ABTB3: variants seen among roughly 807,000 people sequenced by gnomAD.
ABTB3 encodes the protein ankyrin repeat- and BTB/POZ domain-containing protein 3.
chr12:107,331,882 GCCTCCCC>G, the ABTB3 span, among the ~76,000 whole-genome samples: 1 of 152,204 alleles, frequency 6.6e-6, no homozygotes, highest in African/African-American at 2.4e-5. Context: ...GAGGGCAGGG[GCCTCCCC>G]CCCGCCCCAC....
chr12:107,564,646 A>G, the ABTB3 span, among the ~76,000 whole-genome samples: 1 of 152,308 alleles, frequency 6.6e-6, no homozygotes, highest in South Asian at 2.1e-4. Context: ...TTAACCCAAC[A>G]AACATTTATT....
chr12:107,415,868 C>T, the ABTB3 span, among the ~76,000 whole-genome samples: 1 of 152,210 alleles, frequency 6.6e-6, no homozygotes, highest in Admixed American at 6.5e-5. Flanking sequence ...TGCTTCATGC[C>T]ATGCTGCCTC....
the ABTB3 span, chr12:107,650,521 G>A: frequency 1.3e-5 from 2 of 152,164 alleles, no homozygotes; most frequent in Non-Finnish European, 2.9e-5. Context: ...AAAGTGCGCT[G>A]GTGTTTACAA....
At chr12:107,338,576 C>T in the ABTB3 span, among the ~76,000 whole-genome samples, 1 of 152,192 alleles carries the variant, frequency 6.6e-6, no homozygotes, top group Non-Finnish European at 1.5e-5. Context: ...GAAGTCTCAT[C>T]TGAAGACTAA....
the ABTB3 span, among the ~76,000 whole-genome samples, chr12:107,440,269 T>C: frequency 6.6e-6 from 1 of 152,226 alleles, no homozygotes; most frequent in East Asian, 1.9e-4. Context: ...CTCTCCAGGT[T>C]CACACCTTGG....
chr12:107,513,821 G>A, the ABTB3 span, among the ~76,000 whole-genome samples: 3 of 152,226 alleles, frequency 2.0e-5, no homozygotes, highest in African/African-American at 7.2e-5. Context: ...GCCTCTATCA[G>A]AGACACAGTG....
the ABTB3 span, among the ~76,000 whole-genome samples, chr12:107,398,825 T>C: frequency 6.6e-6 from 1 of 152,194 alleles, no homozygotes; most frequent in African/African-American, 2.4e-5. Flanking sequence ...CAAAACACGG[T>C]TTGGCTTAGC....
At chr12:107,547,646 T>G in the ABTB3 span, among the ~76,000 whole-genome samples, 1 of 152,190 alleles carries the variant, frequency 6.6e-6, no homozygotes, top group Admixed American at 6.5e-5. Context: ...AAGTGGAACT[T>G]AGAGTTTTCC....
At chr12:107,521,825 T>G in the ABTB3 span, among the ~76,000 whole-genome samples, 1 of 152,038 alleles carries the variant, frequency 6.6e-6, no homozygotes, top group Non-Finnish European at 1.5e-5. Flanking sequence ...CATGGCTCAC[T>G]CCCTCACTAC....
chr12:107,390,625 A>G, the ABTB3 span, among the ~76,000 whole-genome samples: 1 of 152,238 alleles, frequency 6.6e-6, no homozygotes, highest in Non-Finnish European at 1.5e-5. Flanking sequence ...GTAAACAGGA[A>G]AAGATAAAAC....
the ABTB3 span, chr12:107,640,279 A>G: frequency 7.7e-7 from 1 of 1,300,736 alleles, no homozygotes; most frequent in Admixed American, 2.0e-5. Flanking sequence ...TTTTTCCACT[A>G]AAGCTACCTT....
chr12:107,393,137 T>C, the ABTB3 span, among the ~76,000 whole-genome samples: 2 of 152,182 alleles, frequency 1.3e-5, no homozygotes, highest in East Asian at 3.9e-4. Flanking sequence ...CAGGAAACGC[T>C]TCCTTGAGGG....
the ABTB3 span, among the ~76,000 whole-genome samples, chr12:107,445,770 CCTT>C: frequency 6.6e-6 from 1 of 152,024 alleles, no homozygotes; most frequent in African/African-American, 2.4e-5. Flanking sequence ...GAATCCACCT[CCTT>C]GTCTTTTTGA....
chr12:107,522,295 C>T, the ABTB3 span, among the ~76,000 whole-genome samples: 1 of 152,084 alleles, frequency 6.6e-6, no homozygotes, highest in Non-Finnish European at 1.5e-5. Flanking sequence ...CAACTTTTCT[C>T]CCCTTCATTG....
chr12:107,451,650 C>G, the ABTB3 span, among the ~76,000 whole-genome samples: 3 of 152,080 alleles, frequency 2.0e-5, no homozygotes, highest in Non-Finnish European at 4.4e-5. Flanking sequence ...CTGTGTCCCT[C>G]ACTGCTTTCT....
chr12:107,646,060 C>T, the ABTB3 span, among the ~76,000 whole-genome samples: 3 of 152,232 alleles, frequency 2.0e-5, no homozygotes, highest in Admixed American at 1.3e-4. Context: ...GTCTCCTCCC[C>T]CAAGTCTGTT....
the ABTB3 span, chr12:107,319,148 A>G: frequency 2.5e-6 from 4 of 1,603,096 alleles, no homozygotes; most frequent in Non-Finnish European, 3.4e-6. Context: ...TGACACTGTC[A>G]ACACTGCCCT....
chr12:107,508,444 T>TTTTTTTTTTTTTTG, the ABTB3 span, among the ~76,000 whole-genome samples: 1 of 76,896 alleles, frequency 1.3e-5, no homozygotes, highest in South Asian at 4.7e-4. Context: ...ATTTCTTTTT[T>TTTTTTTTTTTTTTG]TTTTTTTTTT....
the ABTB3 span, among the ~76,000 whole-genome samples, chr12:107,411,892 C>G: frequency 6.6e-6 from 1 of 152,230 alleles, no homozygotes; most frequent in African/African-American, 2.4e-5. Context: ...TCTAGCCATA[C>G]TCAGACCGGT....
Sources: allele counts gnomAD v4.1 joint callset (sites outside exome capture counted in the v4.1 genomes callset), GRCh38; gene constraint gnomAD v4.1.1; transcripts MANE v1.5; gene names NCBI Gene and HGNC (gene_info 2026-07-23, HGNC 2026-07-21).